The following CTNND2 variants were observed in gnomAD, a reference collection of about 807,000 sequenced individuals.
CTNND2 encodes catenin delta-2.
In CTNND2, 22 loss-of-function variants were observed where a neutral mutation model predicts 144.4. The ratio of observed to expected loss-of-function variants is 0.15; its 90% confidence interval spans 0.11 to 0.22. The LOEUF (loss-of-function observed/expected upper bound fraction) is 0.22, where lower values mean the gene tolerates loss of function less well. CTNND2 is among the 10% of genes least tolerant of loss of function. CTNND2 has a pLI of 1.00. For missense variants in CTNND2, 1,353 were observed against 1,618.8 expected, an observed-to-expected ratio of 0.84 and a Z score of 2.82; for synonymous variants, 751 against 695.6, an observed-to-expected ratio of 1.08 and a Z score of -1.25.
intron 16 of CTNND2, among the ~76,000 whole-genome samples, chr5:11,056,944 A>G (rs772067764): frequency 2.6e-5 from 4 of 152,186 alleles, no homozygotes; most frequent in Non-Finnish European, 4.4e-5. Flanking sequence ...GTCACTCTTC[A>G]TGTCTGAAGG....
chr5:11,903,123 C>CCAATTTTGCATCACA lies in CTNND2; in HGVS notation c.37+693_37+694insTGTGATGCAAAATTG, dbSNP rs1560988034. 1.0e-4 allele frequency: 93 copies of CCAATTTTGCATCACA among 897,784 alleles called. No homozygotes were observed. The Middle Eastern group carries it at 3.4e-3, about 33-fold the overall frequency. 55.6% of individuals were successfully genotyped at this position (897,784 alleles called of 1,614,324 possible). ...CTTTCAGCCATTAATTACGGATCACCCCAATTTTGCATCGCTCATCTCCCA... is the reference window on the plus strand; with the variant it reads ...CTTTCAGCCATTAATTACGGATCACCCAATTTTGCATCACACCAATTTTGCATCGCTCATCTCCCA... On this transcript the variant is annotated intron_variant, in intron 1 of 21. Transcript: ENST00000304623. This position sits in a 1 kb window ranked among gnomAD's most constrained non-coding sequence, Gnocchi z 5.4.
At chr5:11,265,272 T>C (rs1225467585) in intron 9 of CTNND2, among the ~76,000 whole-genome samples, 1 of 152,154 alleles carries the variant, frequency 6.6e-6, no homozygotes, top group South Asian at 2.1e-4. Flanking sequence ...GAAAAAATAA[T>C]GTACATGAGA....
intron 2 of CTNND2, among the ~76,000 whole-genome samples, chr5:11,674,716 T>TTTGTTTGGTTGGTTGGTTGGTTGG (rs368963579): frequency 5.3e-5 from 8 of 150,886 alleles, no homozygotes; most frequent in South Asian, 2.1e-4. Context: ...TGTTTGTTTG[T>TTTGTTTGGTTGGTTGGTTGGTTGG]TTGGTTGGTT....
chr5:11,093,935 T>C (rs1386710897), intron 15 of CTNND2, among the ~76,000 whole-genome samples: 1 of 152,238 alleles, frequency 6.6e-6, no homozygotes, highest in African/African-American at 2.4e-5. Flanking sequence ...GGCTTCATGA[T>C]AATCTTCTGA....
At chr5:11,656,493 G>A (rs560120144) in intron 2 of CTNND2, among the ~76,000 whole-genome samples, 1 of 151,776 alleles carries the variant, frequency 6.6e-6, no homozygotes, top group African/African-American at 2.4e-5. Context: ...ATTAGGTAAA[G>A]GTTCTTTGTT....
intron 1 of CTNND2, among the ~76,000 whole-genome samples, chr5:11,898,532 G>T (rs183190666): frequency 6.6e-6 from 1 of 152,188 alleles, no homozygotes; most frequent in East Asian, 1.9e-4. Flanking sequence ...GGCAAGAGAA[G>T]TGTATTTTCT....
At chr5:11,223,174 T>A (rs1223793261) in intron 10 of CTNND2, among the ~76,000 whole-genome samples, 2 of 152,216 alleles carry the variant, frequency 1.3e-5, no homozygotes. Flanking sequence ...GCTTCACCCC[T>A]TCTGCCATGC....
At chr5:11,666,914 C>T (rs1181152838) in intron 2 of CTNND2, among the ~76,000 whole-genome samples, 1 of 151,946 alleles carries the variant, frequency 6.6e-6, no homozygotes, top group East Asian at 1.9e-4. Context: ...GCTATACTTC[C>T]CCCAGCCCCC....
At chr5:11,720,774 C>G (rs764308774) in intron 2 of CTNND2, among the ~76,000 whole-genome samples, 3 of 152,086 alleles carry the variant, frequency 2.0e-5, no homozygotes, top group Admixed American at 6.6e-5. Context: ...TTCTTAGGCT[C>G]TGGTCTAGCA....
At chr5:10,992,252 C>T (rs190693459) in intron 19 of CTNND2, among the ~76,000 whole-genome samples, 8 of 152,296 alleles carry the variant, frequency 5.3e-5, no homozygotes, top group African/African-American at 7.2e-5. Context: ...AAATTGTCCA[C>T]GGAAACCCCG....
intron 7 of CTNND2, 37 bp from the exon 8 acceptor site, chr5:11,364,927 C>T (rs763364416): frequency 8.8e-5 from 137 of 1,553,318 alleles, no homozygotes; most frequent in Non-Finnish European, 1.2e-4. Flanking sequence ...AAAGCTCAGG[C>T]GACCTCCAAA....
At chr5:11,724,989 G>T (rs1297830767) in intron 2 of CTNND2, among the ~76,000 whole-genome samples, 2 of 152,116 alleles carry the variant, frequency 1.3e-5, no homozygotes, top group African/African-American at 4.8e-5. Context: ...GCTTCCTGAG[G>T]CTATGAGTAG....
chr5:11,887,165 A>G (rs935929633), intron 1 of CTNND2, among the ~76,000 whole-genome samples: 3 of 151,712 alleles, frequency 2.0e-5, no homozygotes, highest in African/African-American at 7.3e-5. Flanking sequence ...TTGTATTTTT[A>G]GAAGAGATGG....
At chr5:11,076,972 T>C (rs941874173) in intron 16 of CTNND2, among the ~76,000 whole-genome samples, 1 of 152,226 alleles carries the variant, frequency 6.6e-6, no homozygotes, top group East Asian at 1.9e-4. Context: ...AGTAAATTTA[T>C]AGAGAAAAGA....
intron 2 of CTNND2, among the ~76,000 whole-genome samples, chr5:11,716,295 T>C (rs7722253): frequency 0.46 from 70,369 of 151,846 alleles, 18,739 homozygotes; most frequent in African/African-American, 0.75. Context: ...ATACACTTAA[T>C]TAAATAGTTT....
intron 2 of CTNND2, among the ~76,000 whole-genome samples, chr5:11,731,356 C>G (rs1323337783): frequency 1.3e-5 from 2 of 152,192 alleles, no homozygotes; most frequent in Admixed American, 1.3e-4. Context: ...TCTCGCTCTG[C>G]TGAGATGTTC....
intron 11 of CTNND2, among the ~76,000 whole-genome samples, chr5:11,169,749 C>T (rs917012): frequency 0.72 from 109,235 of 152,060 alleles, 40,159 homozygotes; most frequent in African/African-American, 0.88. Flanking sequence ...TAATTGAATT[C>T]GTGGACGCTT....
intron 3 of CTNND2, among the ~76,000 whole-genome samples, chr5:11,519,781 T>A (rs1772546814): frequency 6.6e-6 from 1 of 152,008 alleles, no homozygotes; most frequent in African/African-American, 2.4e-5. Context: ...GGTAGAGGTA[T>A]AAATTTTAAT....
At chr5:11,330,391 G>A (rs1752984863) in intron 9 of CTNND2, among the ~76,000 whole-genome samples, 1 of 141,748 alleles carries the variant, frequency 7.1e-6, no homozygotes, top group Non-Finnish European at 1.5e-5. Context: ...GGCTGAAGCA[G>A]GAGAATGGCA....
Sources: allele counts gnomAD v4.1 joint callset (sites outside exome capture counted in the v4.1 genomes callset), GRCh38; gene constraint gnomAD v4.1.1; non-coding constraint Gnocchi (gnomAD v3.1); transcripts MANE v1.5; gene names NCBI Gene and HGNC (gene_info 2026-07-23, HGNC 2026-07-21).